The following DDB1 variants were observed in gnomAD, a reference collection of about 807,000 sequenced individuals.
DDB1 encodes DNA damage-binding protein 1.
A neutral mutation model predicts 133.1 loss-of-function variants in DDB1; 18 were observed. The observed-to-expected ratio is 0.14, with a 90% CI of 0.09 to 0.20. The LOEUF is 0.20. Among genes scored for constraint, DDB1 ranks in the 10% least tolerant of loss-of-function variants. DDB1 has a pLI of 1.00. For synonymous variants in DDB1, 580 were observed against 550.5 expected (o/e 1.05, Z -0.75); for missense variants, 828 against 1,459.2 (o/e 0.57, Z 7.05).
At chr11:61,322,822 A>C (rs1285150397) in intron 8 of DDB1, 189 bp downstream of exon 8, 1 of 596,240 alleles carries the variant, frequency 1.7e-6, no homozygotes, top group South Asian at 2.2e-5. Flanking sequence ...TTGCCTGGCA[A>C]ATTTGCTGAA....
At chr11:61,311,955 C>T (rs925026585) in intron 17 of DDB1, 34 bp downstream of exon 17, 1 of 1,613,690 alleles carries the variant, frequency 6.2e-7, no homozygotes, top group Non-Finnish European at 8.5e-7. Flanking sequence ...CCTACACCAA[C>T]CCCCACTTCC....
intron 10 of DDB1, among the ~76,000 whole-genome samples, chr11:61,316,998 T>TATATATATGGAC (rs1565034349): frequency 6.5e-5 from 6 of 92,122 alleles, no homozygotes; most frequent in Non-Finnish European, 9.4e-5. Context: ...TATATATATA[T>TATATATATGGAC]AGACATGGCA....
intron 10 of DDB1, among the ~76,000 whole-genome samples, chr11:61,319,713 A>T (rs2134923366): frequency 6.6e-6 from 1 of 152,310 alleles, no homozygotes; most frequent in South Asian, 2.1e-4. Flanking sequence ...TACAGGCATG[A>T]GGCATTGCGC....
intron 21 of DDB1, among the ~76,000 whole-genome samples, chr11:61,308,188 A>C (rs1375964685): frequency 6.6e-6 from 1 of 152,142 alleles, no homozygotes; most frequent in Non-Finnish European, 1.5e-5. Context: ...CCTTGGACTC[A>C]TCTCTCACCA....
rs772354193 is a variant in DDB1, at chr11:61,323,044, G to A, written c.972C>T (p.Val324=). 3.1e-5 allele frequency: 50 copies of A among 1,613,728 alleles called. No individual in the cohort carries two copies. Among genetic ancestry groups the A allele is most frequent in the African/African-American group, 2.4e-4 (18 of 74,860 alleles). ...LTYLDNGVVF[V]GSRLGDSQLV... Reference sequence around the variant, plus strand: ...GCTGGGAGTCACCCAGGCGAGACCCGACAAACACAACACCATTATCAAGGT... The same window carrying A: ...GCTGGGAGTCACCCAGGCGAGACCCAACAAACACAACACCATTATCAAGGT... Residue 324 remains valine (V), a synonymous_variant, in exon 8 of 27, where the codon GTC becomes GTT. Coordinates refer to ENST00000301764, the MANE Select transcript of DDB1 (RefSeq NM_001923.5).
chr11:61,312,134 G>A (rs1384137323), intron 16 of DDB1, 50 bp from the exon 17 acceptor site: 2 of 1,543,358 alleles, frequency 1.3e-6, no homozygotes, highest in Non-Finnish European at 9.0e-7. Flanking sequence ...GGAAGGCAAA[G>A]ATTCTATGAG....
At chr11:61,302,550 T>C (rs762882564) in intron 24 of DDB1, 32 bp downstream of exon 24, 1 of 1,612,686 alleles carries the variant, frequency 6.2e-7, no homozygotes, top group South Asian at 1.1e-5. Flanking sequence ...AGGAGGCCTG[T>C]GTGGGGGTGT....
Position 61,329,388 on chromosome 11 carries a change from G to A in DDB1, c.524C>T (p.Ala175Val). 1 of 1,614,170 alleles carries A rather than the reference G, an allele frequency of 6.2e-7. No homozygotes were observed. The highest frequency in any genetic ancestry group is 2.2e-5 in the East Asian group (1 of 44,888). The change falls in exon 4 of 27, where the codon GCA (alanine) becomes GTA (valine). Residue 175 changes from alanine (A) to valine (V), a missense_variant. Physicochemically the swap from Ala to Val is moderately conservative, Grantham distance 64 (BLOSUM62 0). This residue lies in a region of DDB1 where 210 missense variants were observed against 344.8 expected (regional missense o/e 0.61). Transcript: ENST00000301764. The stretch of plus-strand genomic sequence containing the variant: ...CTGGTAGACAAAGCAAATAGTAGGT[G>A]CTTGGCAACCATATAGGAACTTGAC... The part of the protein sequence containing the change: ...IDVKFLYGCQ[A>V]PTICFVYQDP...
In DDB1 at chr11:61,309,975, G is replaced by C. The variant is rs1451025652; in HGVS notation, c.2402-15C>G. On this transcript the variant is annotated splice_polypyrimidine_tract_variant and intron_variant, in intron 19 of 26. Coordinates refer to ENST00000301764, the MANE Select transcript of DDB1 (RefSeq NM_001923.5). ...GGCATGAAGCACTAGAGAGTAGAGAGATGACTACGTGATGACAGGTTACCC... is the reference window on the plus strand; with the variant it reads ...GGCATGAAGCACTAGAGAGTAGAGACATGACTACGTGATGACAGGTTACCC... The C allele has an allele frequency of 6.2e-7, 1 of 1,614,184 alleles. No homozygotes were observed. Among genetic ancestry groups the C allele is most frequent in the Non-Finnish European group, 8.5e-7 (1 of 1,180,034 alleles).
At position 61,326,854 on chromosome 11, in the gene DDB1, G is replaced by A; in HGVS notation, c.589C>T (p.Leu197Phe). 2 of 1,614,114 alleles carry A rather than the reference G, an allele frequency of 1.2e-6. No homozygotes were observed. Among genetic ancestry groups the A allele is most frequent in the South Asian group, 1.1e-5 (1 of 91,070 alleles). The change falls in exon 5 of 27, where the codon CTC (leucine) becomes TTC (phenylalanine). Residue 197 changes from leucine (L) to phenylalanine (F), a missense_variant. Physicochemically the swap from Leu to Phe is conservative, Grantham distance 22. Transcript: ENST00000301764. ...CCCTTATTGAATTCCTTTTCTCGGA[G>A]AGACACCTCATAGGTTTTTACGTGC... ...GRHVKTYEVS[L>F]REKEFNKGPW...
chr11:61,321,443 C>A (rs1426837324), intron 10 of DDB1, 152 bp downstream of exon 10: 232 of 365,050 alleles, frequency 6.4e-4, no homozygotes, highest in East Asian at 1.1e-3. Context: ...TTTATACTTT[C>A]AGATATGTTT....
In DDB1 at chr11:61,316,269, C is replaced by T. The variant is rs764286247; in HGVS notation, c.1410+16G>A. ...TTCAAGTATATGGTAACACCTGCCC[C>T]TTTCTCAGTTATCACCTGGATAAGC... On this transcript the variant is annotated intron_variant, in intron 12 of 26. Coordinates refer to ENST00000301764, the MANE Select transcript of DDB1 (RefSeq NM_001923.5). 5.6e-6 allele frequency: 9 copies of T among 1,611,732 alleles called. No individual in the cohort carries two copies. The Admixed American group carries it at 1.0e-4, about 18-fold the overall frequency.
In DDB1 at chr11:61,314,309, T is replaced by A; in HGVS notation, c.1588A>T (p.Ser530Cys). 6.2e-7 allele frequency: 1 copy of A among 1,610,096 alleles called. No homozygotes were observed. The highest frequency in any genetic ancestry group is 8.5e-7 in the Non-Finnish European group (1 of 1,178,400). Residue 530 changes from serine (S) to cysteine (C), a missense_variant and splice_region_variant, in exon 13 of 27, where the codon AGC becomes TGC. Ser to Cys is a moderately radical substitution (Grantham distance 112). Transcript: ENST00000301764. ...GAGCAGACAGAAAAACACACACACC[T>A]GATCTGCCGGAGCTCCTGAGGATGG... Reference protein sequence around the residue: ...QIHPQELRQISHTEMEHEVAC... With the variant: ...QIHPQELRQICHTEMEHEVAC...
At chr11:61,316,078 G>A in intron 12 of DDB1, 1 of 494,380 alleles carries the variant, frequency 2.0e-6, no homozygotes, top group African/African-American at 1.9e-5. Context: ...ACAGACATTT[G>A]CAGAAGAAAA....
chr11:61,322,347 T>C lies in DDB1; in HGVS notation c.1071A>G (p.Gly357=). The C allele has an allele frequency of 6.2e-7, 1 of 1,614,140 alleles. No homozygotes were observed. Residue 357 remains glycine (G), a synonymous_variant, in exon 9 of 27, where the codon GGA becomes GGG. Coordinates refer to ENST00000301764, the MANE Select transcript of DDB1 (RefSeq NM_001923.5). ...VVAMETFTNL[G]PIVDMCVVDL... is the part of the protein sequence containing the mutation. ...CCACCACGCACATATCGACAATGGGTCCTAAGTTGGTAAAGGTTTCCATGG... is the reference window on the plus strand; with the variant it reads ...CCACCACGCACATATCGACAATGGGCCCTAAGTTGGTAAAGGTTTCCATGG...
intron 1 of DDB1, chr11:61,331,953 A>G (rs1421371607): frequency 7.0e-6 from 3 of 426,792 alleles, no homozygotes; most frequent in Non-Finnish European, 1.3e-5. Flanking sequence ...AATGACAATG[A>G]CTGCGTAATC....
In DDB1 at chr11:61,321,606, G is replaced by A; in HGVS notation, c.1214C>T (p.Pro405Leu). Residue 405 changes from proline (P) to leucine (L), a missense_variant, in exon 10 of 27, where the codon CCA becomes CTA. Around this residue, in one of 7 missense-constraint regions of DDB1, gnomAD observed 35 missense variants for 123.3 expected, o/e 0.28. Coordinates refer to ENST00000301764, the MANE Select transcript of DDB1 (RefSeq NM_001923.5). ...GIHEHASIDL[P>L]GIKGLWPLRS... ...ACCAAAAAAGCTACCTTTGATGCCT[G>A]GTAAGTCAATGCTGGCATGCTCGTG... 6 of 1,613,976 alleles carry A rather than the reference G, an allele frequency of 3.7e-6. No individual in the cohort carries two copies. The highest frequency in any genetic ancestry group is 5.1e-6 in the Non-Finnish European group (6 of 1,179,986).
chr11:61,318,600 A>G (rs1708478543), intron 10 of DDB1, among the ~76,000 whole-genome samples: 1 of 152,198 alleles, frequency 6.6e-6, no homozygotes, highest in Non-Finnish European at 1.5e-5. Flanking sequence ...TAAATTAGGA[A>G]GACTGGGCCT....
intron 8 of DDB1, 105 bp downstream of exon 8, chr11:61,322,906 T>C (rs1856206083): frequency 1.2e-6 from 1 of 852,494 alleles, no homozygotes; most frequent in Non-Finnish European, 1.8e-6. Context: ...ATAGTAGGGA[T>C]GTGGATAAAA....
Sources: gnomAD v4.1 joint callset for allele counts (sites outside exome capture counted in the v4.1 genomes callset) on GRCh38, gnomAD v4.1.1 for gene constraint, gnomAD v4.1.1 regional missense constraint, MANE v1.5 for transcripts, NCBI Gene and HGNC (gene_info 2026-07-23, HGNC 2026-07-21) for gene names.